SLC7A2: variants seen among roughly 807,000 people sequenced by gnomAD.
The protein encoded by SLC7A2 is cationic amino acid transporter 2.
A neutral mutation model predicts 58.9 loss-of-function variants in SLC7A2; 48 were observed. That is an observed-to-expected ratio of 0.82 (90% CI 0.65 to 1.04). SLC7A2 has a LOEUF of 1.04. Ranked by LOEUF, SLC7A2 falls within the 50% of genes least tolerant of loss-of-function variation. SLC7A2 has a pLI of 0.00. For synonymous variants in SLC7A2, 363 were observed against 314.5 expected (o/e 1.15, Z -1.63); for missense variants, 1,029 against 818.8 (o/e 1.26, Z -3.13).
chr8:17,543,070 C>T (rs1385590792), intron 2 of SLC7A2, among the ~76,000 whole-genome samples: 3 of 152,138 alleles, frequency 2.0e-5, no homozygotes, highest in Admixed American at 6.6e-5. Flanking sequence ...CCATTTATTG[C>T]AGTCTCTTAT....
In SLC7A2 at chr8:17,518,559, T is replaced by C. The variant is rs746984303; in HGVS notation, c.-23+16257T>C. ...TGGGAAATTCTGAGCTCTGGAAAAA[T>C]GTAAACTTCGTGTTTGTCTCTTTAG... On this transcript the variant is annotated intron_variant, in intron 2 of 12. Coordinates refer to ENST00000494857, the MANE Select transcript of SLC7A2 (RefSeq NM_001370338.1). Among the ~76,000 whole-genome samples, 93 of 152,174 alleles carry C rather than the reference T, an allele frequency of 6.1e-4. 1 individual carries two copies. Among genetic ancestry groups the C allele is most frequent in the Non-Finnish European group, 1.0e-3 (69 of 68,038 alleles).
chr8:17,535,683 A>G (rs1355262628), intron 2 of SLC7A2, among the ~76,000 whole-genome samples: 4 of 152,192 alleles, frequency 2.6e-5, no homozygotes, highest in Non-Finnish European at 2.9e-5. Context: ...CAGGCGGATC[A>G]CTTGAGGTAG....
intron 2 of SLC7A2, among the ~76,000 whole-genome samples, chr8:17,538,436 C>A (rs2588239): frequency 0.98 from 149,504 of 152,252 alleles, 73,463 homozygotes; most frequent in East Asian, 1. Flanking sequence ...TACTGAATGC[C>A]AAGTTTTGTG....
chr8:17,519,294 C>G (rs1800922315), intron 2 of SLC7A2, among the ~76,000 whole-genome samples: 1 of 152,124 alleles, frequency 6.6e-6, no homozygotes, highest in Non-Finnish European at 1.5e-5. Context: ...AAACATAGTA[C>G]GTGCTTGATA....
intron 7 of SLC7A2, among the ~76,000 whole-genome samples, chr8:17,553,653 T>G (rs1802553726): frequency 6.6e-6 from 1 of 152,102 alleles, no homozygotes; most frequent in Non-Finnish European, 1.5e-5. Context: ...GCGCCTTTAG[T>G]CCCAGTCCCA....
At chr8:17,495,588 C>T (rs1311428368), upstream of SLC7A2, among the ~76,000 whole-genome samples, 1 of 152,172 alleles carries the variant, frequency 6.6e-6, no homozygotes, top group Non-Finnish European at 1.5e-5. Flanking sequence ...CTCACTCTGT[C>T]GCCCAGGCTG....
chr8:17,502,777 AATGG>A, intron 2 of SLC7A2, among the ~76,000 whole-genome samples: 1 of 152,246 alleles, frequency 6.6e-6, no homozygotes, highest in Middle Eastern at 3.4e-3. Context: ...GTTTTTGTTC[AATGG>A]ACCTCAGGTG....
At chr8:17,513,101 G>A (rs1179417625) in intron 2 of SLC7A2, among the ~76,000 whole-genome samples, 3 of 152,120 alleles carry the variant, frequency 2.0e-5, no homozygotes, top group African/African-American at 4.8e-5. Context: ...TTTCATGAAC[G>A]ATGCTGCTGT....
At chr8:17,550,493 C>T (rs963334807) in intron 6 of SLC7A2, 59 bp downstream of exon 6, 31 of 1,527,580 alleles carry the variant, frequency 2.0e-5, no homozygotes, top group East Asian at 4.7e-5. Context: ...CACGAGTACC[C>T]GTGTGTGGTA....
intron 2 of SLC7A2, among the ~76,000 whole-genome samples, chr8:17,505,452 A>C (rs1251869799): frequency 6.6e-6 from 1 of 152,108 alleles, no homozygotes; most frequent in African/African-American, 2.4e-5. Flanking sequence ...CAGAGGTATG[A>C]CAGTAACATA....
intron 2 of SLC7A2, among the ~76,000 whole-genome samples, chr8:17,540,550 C>G (rs1451853878): frequency 6.6e-6 from 1 of 151,996 alleles, no homozygotes; most frequent in Non-Finnish European, 1.5e-5. Flanking sequence ...GAAATCATAT[C>G]TTATGTGATT....
rs1803224799 is a variant in SLC7A2 at position 17,565,422 on chromosome 8, T to G, written c.*276T>G. 3 of 317,692 alleles carry G rather than the reference T, an allele frequency of 9.4e-6. No homozygotes were observed. The highest frequency in any genetic ancestry group is 8.6e-4 in the Middle Eastern group (1 of 1,166). The allele number at this position is 317,692 out of a possible 1,614,324, so 19.7% of individuals were successfully genotyped here. ...TGTATGTATGTATCTATGTATATGC[T>G]TGGGAACATGAGTGTTACAAGTTAG... On this transcript the variant is annotated 3_prime_UTR_variant, in exon 13 of 13. Coordinates refer to ENST00000494857, the MANE Select transcript of SLC7A2 (RefSeq NM_001370338.1).
In SLC7A2 at chr8:17,534,927, G is replaced by T. The variant is rs539235369; in HGVS notation, c.-22-8391G>T. 4.6e-5 allele frequency among the ~76,000 whole-genome samples: 7 copies of T among 152,220 alleles called. No homozygotes were observed. In the South Asian group the frequency reaches 1.4e-3, roughly 32 times the overall value. On this transcript the variant is annotated intron_variant, in intron 2 of 12. Coordinates refer to ENST00000494857, the MANE Select transcript of SLC7A2 (RefSeq NM_001370338.1). ...TCTCAAGGTGGAGAAGCTAAGCTCT[G>T]TTGTCCACCTGTATCTCTTTACCCC...
intron 2 of SLC7A2, chr8:17,538,665 A>G: frequency 5.7e-6 from 4 of 696,104 alleles, no homozygotes; most frequent in Middle Eastern, 4.0e-4. Flanking sequence ...GAACTTTAAC[A>G]TTGTAGAAAC....
rs1438352522 is a variant in SLC7A2 at position 17,569,563 on chromosome 8, TC to T, written c.*4419del. On this transcript the variant is annotated 3_prime_UTR_variant, in exon 13 of 13. Coordinates refer to ENST00000494857, the MANE Select transcript of SLC7A2 (RefSeq NM_001370338.1). ...TTTATTGTTTTGGGGAGATTTTTTT[TC>T]CTTACATGATTATATTAAACACTTT... 1 of 152,130 alleles carries T rather than the reference TC, an allele frequency of 6.6e-6. No individual in the cohort carries two copies. Among genetic ancestry groups the T allele is most frequent in the Non-Finnish European group, 1.5e-5 (1 of 68,018 alleles). 9.4% of individuals were successfully genotyped at this position (152,130 alleles called of 1,614,324 possible).
intron 8 of SLC7A2, among the ~76,000 whole-genome samples, chr8:17,555,815 C>G (rs957450253): frequency 5.3e-5 from 8 of 152,202 alleles, no homozygotes; most frequent in Middle Eastern, 3.4e-3. Context: ...TTATCTCATG[C>G]AGAAAATTTC....
intron 2 of SLC7A2, among the ~76,000 whole-genome samples, chr8:17,515,004 T>C (rs1417482913): frequency 3.9e-5 from 6 of 152,212 alleles, no homozygotes; most frequent in African/African-American, 1.4e-4. Context: ...TAGAGCTATA[T>C]TGGTAAAGGC....
intron 2 of SLC7A2, among the ~76,000 whole-genome samples, chr8:17,527,127 G>A (rs1259315840): frequency 6.6e-6 from 1 of 152,088 alleles, no homozygotes; most frequent in Non-Finnish European, 1.5e-5. Context: ...TACACAGGTA[G>A]GTAGGGTACT....
chr8:17,561,106 T>C (rs1255832308), intron 10 of SLC7A2, among the ~76,000 whole-genome samples: 1 of 152,220 alleles, frequency 6.6e-6, no homozygotes. Flanking sequence ...TAGAGCAGAC[T>C]TGATGGTCAG....
Sources: gnomAD v4.1 joint callset for allele counts (sites outside exome capture counted in the v4.1 genomes callset) on GRCh38, gnomAD v4.1.1 for gene constraint, MANE v1.5 for transcripts, NCBI Gene and HGNC (gene_info 2026-07-23, HGNC 2026-07-21) for gene names.